The following TBC1D32 variants were observed in gnomAD, a reference collection of about 807,000 sequenced individuals.
The protein encoded by TBC1D32 is TBC1 domain family member 32, also known as protein broad-minded.
In TBC1D32, 151 loss-of-function variants were observed where a neutral mutation model predicts 170.3. The ratio of observed to expected loss-of-function variants is 0.89; its 90% confidence interval spans 0.78 to 1.01. TBC1D32 has a LOEUF of 1.01. Ranked by LOEUF, TBC1D32 falls within the 50% of genes least tolerant of loss-of-function variation. The pLI is 0.00. For synonymous variants in TBC1D32, 498 were observed against 488.0 expected (o/e 1.02, Z -0.27); for missense variants, 1,464 against 1,457.1 (o/e 1.00, Z -0.08).
rs114127942 is a variant in TBC1D32 at position 121,267,438 on chromosome 6, C to T, written c.1734-11153G>A. ...CCACCCAAATACTGCACTTTTCCAA[C>T]GGTCTTAGCAACAGCACACCAGGAG... On this transcript the variant is annotated intron_variant, in intron 15 of 31. Coordinates refer to ENST00000398212, the MANE Select transcript of TBC1D32 (RefSeq NM_152730.6). Among the ~76,000 whole-genome samples the T allele has an allele frequency of 9.0e-3, 1,373 of 152,258 alleles. 28 individuals are homozygous for T. Among genetic ancestry groups the T allele is most frequent in the African/African-American group, 0.031 (1,281 of 41,548 alleles).
intron 12 of TBC1D32, among the ~76,000 whole-genome samples, chr6:121,288,933 G>C (rs1233940055): frequency 6.6e-6 from 1 of 152,048 alleles, no homozygotes; most frequent in African/African-American, 2.4e-5. Context: ...TGCAGAAAAG[G>C]CCTTTGACAA....
chr6:121,186,260 T>C (rs2128280304), intron 22 of TBC1D32, among the ~76,000 whole-genome samples: 1 of 152,166 alleles, frequency 6.6e-6, no homozygotes, highest in East Asian at 1.9e-4. Flanking sequence ...AAAGAAAGAC[T>C]GCTCCTATGC....
intron 12 of TBC1D32, among the ~76,000 whole-genome samples, chr6:121,285,642 G>T (rs1380858871): frequency 6.6e-6 from 1 of 152,126 alleles, no homozygotes; most frequent in Non-Finnish European, 1.5e-5. Flanking sequence ...AGAGAGTAAT[G>T]GTTCTCCCAG....
At chr6:121,317,790 T>A (rs911872688) in intron 2 of TBC1D32, 118 bp from the exon 3 acceptor site, 3 of 655,278 alleles carry the variant, frequency 4.6e-6, no homozygotes, top group Admixed American at 3.9e-5. Flanking sequence ...AACACAATGC[T>A]AAGGAGAAAA....
intron 15 of TBC1D32, 33 bp downstream of exon 15, chr6:121,279,088 G>C (rs1802637567): frequency 6.4e-7 from 1 of 1,569,612 alleles, no homozygotes. Flanking sequence ...AACTATACCT[G>C]GAATAATTAT....
intron 22 of TBC1D32, among the ~76,000 whole-genome samples, chr6:121,198,159 T>C (rs1306649571): frequency 1.4e-5 from 2 of 145,432 alleles, no homozygotes; most frequent in Non-Finnish European, 1.5e-5. Context: ...TTTGTAGATA[T>C]ATAATATATA....
intron 24 of TBC1D32, among the ~76,000 whole-genome samples, chr6:121,154,274 G>A (rs1165786313): frequency 6.6e-6 from 1 of 152,014 alleles, no homozygotes; most frequent in Non-Finnish European, 1.5e-5. Flanking sequence ...AGCTTCCTAG[G>A]TGAGAACAGA....
chr6:121,171,537 T>C (rs1787000666), intron 22 of TBC1D32, among the ~76,000 whole-genome samples: 1 of 152,132 alleles, frequency 6.6e-6, no homozygotes, highest in Non-Finnish European at 1.5e-5. Flanking sequence ...ATTAGAGATA[T>C]GCACTGAATG....
chr6:121,162,426 A>G (rs1785841879), intron 22 of TBC1D32, among the ~76,000 whole-genome samples: 1 of 152,172 alleles, frequency 6.6e-6, no homozygotes, highest in Non-Finnish European at 1.5e-5. Context: ...ACCATATATG[A>G]CAAACCCACA....
Position 121,174,935 on chromosome 6 carries a change from G to A in TBC1D32, c.2571-13879C>T, listed in dbSNP as rs371714114. Among the ~76,000 whole-genome samples the A allele has an allele frequency of 1.8e-4, 28 of 151,936 alleles. 1 individual carries two copies. The East Asian group carries it at 4.7e-3, about 25-fold the overall frequency. Reference sequence around the variant, plus strand: ...AGGTCCCAGCTACCGGAGAGGCTGAGGTGGGAGAATCACCTGAGCCCAGGG... The same window carrying A: ...AGGTCCCAGCTACCGGAGAGGCTGAAGTGGGAGAATCACCTGAGCCCAGGG... On this transcript the variant is annotated intron_variant, in intron 22 of 31. Coordinates refer to ENST00000398212, the MANE Select transcript of TBC1D32 (RefSeq NM_152730.6).
chr6:121,177,055 T>C (rs911848667), intron 22 of TBC1D32, among the ~76,000 whole-genome samples: 25 of 152,118 alleles, frequency 1.6e-4, no homozygotes, highest in Non-Finnish European at 7.3e-5. Flanking sequence ...GTATAAATGG[T>C]ATGTTACATT....
intron 24 of TBC1D32, among the ~76,000 whole-genome samples, chr6:121,141,133 T>C (rs549409097): frequency 1.6e-5 from 2 of 121,690 alleles, no homozygotes; most frequent in African/African-American, 4.9e-5. Flanking sequence ...AGACTATACA[T>C]AAATACATAA....
At chr6:121,139,632 G>A (rs1278082513) in intron 24 of TBC1D32, 1 of 151,914 alleles carries the variant, frequency 6.6e-6, no homozygotes, top group Non-Finnish European at 1.5e-5. Context: ...TTGTTCTAGT[G>A]AAAAAAATAG....
At chr6:121,269,438 C>CA (rs1161490879) in intron 15 of TBC1D32, among the ~76,000 whole-genome samples, 9 of 81,258 alleles carry the variant, frequency 1.1e-4, no homozygotes, top group Non-Finnish European at 1.7e-4. Flanking sequence ...AAATGGAAAA[C>CA]AAAAAAAAGC....
chr6:121,219,734 T>C (rs1794279261), intron 21 of TBC1D32, among the ~76,000 whole-genome samples: 1 of 152,250 alleles, frequency 6.6e-6, no homozygotes, highest in African/African-American at 2.4e-5. Flanking sequence ...TTGCAGATAA[T>C]ATGCTTTTTT....
At chr6:121,220,573 T>C (rs1794378508) in intron 21 of TBC1D32, among the ~76,000 whole-genome samples, 2 of 151,900 alleles carry the variant, frequency 1.3e-5, no homozygotes, top group South Asian at 4.1e-4. Context: ...ATGTAGAAGT[T>C]GCAAGTTATC....
chr6:121,095,130 A>G (rs994815304), intron 30 of TBC1D32, among the ~76,000 whole-genome samples: 1 of 152,210 alleles, frequency 6.6e-6, no homozygotes, highest in Admixed American at 6.5e-5. Flanking sequence ...CCACCATTCC[A>G]TAAATAATAT....
intron 30 of TBC1D32, among the ~76,000 whole-genome samples, chr6:121,103,635 A>C (rs945153692): frequency 4.0e-5 from 6 of 151,174 alleles, no homozygotes; most frequent in Admixed American, 2.6e-4. Context: ...CCTAATGTAA[A>C]TGACGAGTTA....
chr6:121,100,390 G>A (rs1027805456), intron 30 of TBC1D32, among the ~76,000 whole-genome samples: 1 of 151,894 alleles, frequency 6.6e-6, no homozygotes, highest in African/African-American at 2.4e-5. Flanking sequence ...CATTATTATT[G>A]TGTGGGAGTC....
Sources: gnomAD v4.1 joint callset for allele counts (sites outside exome capture counted in the v4.1 genomes callset) on GRCh38, gnomAD v4.1.1 for gene constraint, MANE v1.5 for transcripts, NCBI Gene and HGNC (gene_info 2026-07-23, HGNC 2026-07-21) for gene names.